Variants in IQGAP2 observed in about 807,000 individuals in gnomAD.
The protein encoded by IQGAP2 is IQ motif containing GTPase activating protein 2.
IQGAP2 carries 173 observed loss-of-function variants against 201.3 expected under a neutral mutation model. That is an observed-to-expected ratio of 0.86 (90% CI 0.76 to 0.98). IQGAP2 has a LOEUF of 0.98. Among genes scored for constraint, IQGAP2 ranks in the 50% least tolerant of loss-of-function variants. The pLI is 0.00. For synonymous variants in IQGAP2, 675 were observed against 673.9 expected, an observed-to-expected ratio of 1.00 and a Z score of -0.03; for missense variants, 1,687 against 1,864.8, an observed-to-expected ratio of 0.90 and a Z score of 1.76.
chr5:76,640,534 G>A (rs1751488862), intron 16 of IQGAP2, among the ~76,000 whole-genome samples: 1 of 152,206 alleles, frequency 6.6e-6, no homozygotes, highest in African/African-American at 2.4e-5. Flanking sequence ...AGAAGTCTGA[G>A]GACCTTATGG....
intron 2 of IQGAP2, among the ~76,000 whole-genome samples, chr5:76,496,768 T>TCTTTCTTTCCTTC (rs1756993079): frequency 2.5e-5 from 3 of 118,180 alleles, no homozygotes; most frequent in African/African-American, 1.3e-4. Flanking sequence ...TTTCTTTCTT[T>TCTTTCTTTCCTTC]CTTTCTTTCT....
At position 76,575,591 on chromosome 5, in the gene IQGAP2, AT is replaced by A. The variant is rs938707379; in HGVS notation, c.382-100del. ...AGAGAGGTTCCTCTATATTTAAATA[AT>A]TATAGGATAGCAAGGACAATCAAAA... On this transcript the variant is annotated intron_variant, in intron 4 of 35. Coordinates refer to ENST00000274364, the MANE Select transcript of IQGAP2 (RefSeq NM_006633.5). 17 of 576,412 alleles carry A rather than the reference AT, an allele frequency of 2.9e-5. No individual in the cohort carries two copies. The African/African-American group carries it at 3.1e-4, about 11-fold the overall frequency. The allele number at this position is 576,412 out of a possible 1,614,324, so 35.7% of individuals were successfully genotyped here. A position where few individuals can be genotyped will look rare whatever the true frequency, so the allele number is the denominator to read the frequency against.
At chr5:76,617,273 C>G (rs927262691) in intron 13 of IQGAP2, 1 of 227,046 alleles carries the variant, frequency 4.4e-6, no homozygotes, top group African/African-American at 2.3e-5. Context: ...GGTGAAACCC[C>G]GTCTCTACTA....
At chr5:76,569,918 A>G (rs1489802269) in intron 3 of IQGAP2, among the ~76,000 whole-genome samples, 1 of 152,220 alleles carries the variant, frequency 6.6e-6, no homozygotes, top group Non-Finnish European at 1.5e-5. Context: ...AGGGCTATAA[A>G]GAAGAAATGG....
chr5:76,485,139 A>T (rs568057170), intron 2 of IQGAP2, among the ~76,000 whole-genome samples: 1 of 152,168 alleles, frequency 6.6e-6, no homozygotes, highest in East Asian at 1.9e-4. Flanking sequence ...AATCATTTTC[A>T]TACCTGCTTT....
At chr5:76,619,514 C>CCTTTT (rs1561518620) in intron 13 of IQGAP2, among the ~76,000 whole-genome samples, 2 of 104,266 alleles carry the variant, frequency 1.9e-5, no homozygotes, top group Non-Finnish European at 3.8e-5. Context: ...TAAGGATCTT[C>CCTTTT]TTTTTTTTTT....
chr5:76,626,676 C>T (rs547410569), intron 13 of IQGAP2, among the ~76,000 whole-genome samples: 1 of 152,228 alleles, frequency 6.6e-6, no homozygotes, highest in Non-Finnish European at 1.5e-5. Flanking sequence ...TGATAAATAT[C>T]GACGATCCCT....
At chr5:76,453,386 G>GA (rs952363892) in intron 1 of IQGAP2, among the ~76,000 whole-genome samples, 58 of 151,950 alleles carry the variant, frequency 3.8e-4, no homozygotes, top group Non-Finnish European at 7.8e-4. Flanking sequence ...ATAATATACA[G>GA]AAAAAAAACC....
At chr5:76,419,578 TC>T (rs1353412672) in intron 1 of IQGAP2, among the ~76,000 whole-genome samples, 1 of 151,894 alleles carries the variant, frequency 6.6e-6, no homozygotes, top group Non-Finnish European at 1.5e-5. Flanking sequence ...TCTCAAGTGA[TC>T]CCCCCACCTC....
chr5:76,457,668 A>T (rs1157449969), intron 1 of IQGAP2, among the ~76,000 whole-genome samples: 1 of 152,202 alleles, frequency 6.6e-6, no homozygotes, highest in African/African-American at 2.4e-5. Context: ...TTATTGAATT[A>T]GGTAGATTTT....
chr5:76,665,237 T>G, intron 22 of IQGAP2, 62 bp downstream of exon 22: 1 of 1,412,826 alleles, frequency 7.1e-7, no homozygotes, highest in South Asian at 1.2e-5. Flanking sequence ...TGTTTGTGGC[T>G]TACAGGGAGT....
chr5:76,421,009 T>G (rs1185255609), intron 1 of IQGAP2, among the ~76,000 whole-genome samples: 1 of 152,228 alleles, frequency 6.6e-6, no homozygotes, highest in Non-Finnish European at 1.5e-5. Context: ...CTTTTGGCTA[T>G]TGTGAGTGCT....
At chr5:76,405,542 A>T (rs1014448736) in intron 1 of IQGAP2, among the ~76,000 whole-genome samples, 4 of 152,234 alleles carry the variant, frequency 2.6e-5, no homozygotes, top group African/African-American at 9.7e-5. Flanking sequence ...TATGACAGTT[A>T]TCTCATTAAA....
At position 76,662,178 on chromosome 5, in the gene IQGAP2, G is replaced by A. The variant is rs980582934; in HGVS notation, c.2530-2848G>A. Among the ~76,000 whole-genome samples, 188 of 152,336 alleles carry A rather than the reference G, an allele frequency of 1.2e-3. 1 individual carries two copies. Among genetic ancestry groups the A allele is most frequent in the African/African-American group, 4.3e-3 (177 of 41,586 alleles). ...CAGAACCTCACAGGGAGAAGGAAGA[G>A]GGGCTATCCCCATTGCTGTGCCGGG... On this transcript the variant is annotated intron_variant, in intron 21 of 35. Coordinates refer to ENST00000274364, the MANE Select transcript of IQGAP2 (RefSeq NM_006633.5).
At chr5:76,583,591 A>G (rs543524228) in intron 5 of IQGAP2, among the ~76,000 whole-genome samples, 47 of 152,334 alleles carry the variant, frequency 3.1e-4, no homozygotes, top group Non-Finnish European at 5.4e-4. Flanking sequence ...TCAGACTTAA[A>G]TTTAAAAGCA....
chr5:76,422,879 A>G (rs1354993476), intron 1 of IQGAP2, among the ~76,000 whole-genome samples: 1 of 152,242 alleles, frequency 6.6e-6, no homozygotes, highest in Non-Finnish European at 1.5e-5. Flanking sequence ...CGCCCAATTT[A>G]ATCCTTGTAA....
intron 2 of IQGAP2, among the ~76,000 whole-genome samples, chr5:76,558,191 A>G (rs1172138638): frequency 1.3e-5 from 2 of 152,146 alleles, no homozygotes; most frequent in Middle Eastern, 3.2e-3. Context: ...GCCCAACTCT[A>G]AAATATCATA....
At position 76,590,514 on chromosome 5, in the gene IQGAP2, C is replaced by T. The variant is rs1201160716; in HGVS notation, c.747C>T (p.Asp249=). The T allele has an allele frequency of 1.9e-6, 3 of 1,613,790 alleles. No individual in the cohort carries two copies. In the South Asian group the frequency reaches 3.3e-5, roughly 18 times the overall value. Residue 249 remains aspartate, a synonymous_variant, in exon 8 of 36, where the codon GAC becomes GAT. Transcript: ENST00000274364. ...ATGCGGTTTTAACTTTAGTGGATGACAACCTTGCACCAGAATATCAGAAAG... is the reference window on the plus strand; with the variant it reads ...ATGCGGTTTTAACTTTAGTGGATGATAACCTTGCACCAGAATATCAGAAAG... ...NPNAVLTLVD[D]NLAPEYQKEL...
In IQGAP2 at chr5:76,658,721, A is replaced by G; in HGVS notation, c.2529+54A>G. The G allele has an allele frequency of 4.2e-6, 6 of 1,419,340 alleles. No homozygotes were observed. In the South Asian group the frequency reaches 5.8e-5, roughly 14 times the overall value. 87.9% of individuals were successfully genotyped at this position (1,419,340 alleles called of 1,614,324 possible). ...CCCAGAAGAGGGAAGACGCCTACATACAGTCAAGAGTCACTTAATGACAGG... is the reference window on the plus strand; with the variant it reads ...CCCAGAAGAGGGAAGACGCCTACATGCAGTCAAGAGTCACTTAATGACAGG... On this transcript the variant is annotated intron_variant, in intron 21 of 35. Coordinates refer to ENST00000274364, the MANE Select transcript of IQGAP2 (RefSeq NM_006633.5).
Sources: allele counts gnomAD v4.1 joint callset (sites outside exome capture counted in the v4.1 genomes callset), GRCh38; gene constraint gnomAD v4.1.1; transcripts MANE v1.5; gene names NCBI Gene and HGNC (gene_info 2026-07-23, HGNC 2026-07-21).